The following CACNB4 variants were observed in gnomAD, a reference collection of about 807,000 sequenced individuals.
CACNB4 encodes the protein voltage-dependent L-type calcium channel subunit beta-4.
CACNB4 carries 32 observed loss-of-function variants against 71.2 expected under a neutral mutation model. The observed-to-expected ratio is 0.45, with a 90% confidence interval of 0.34 to 0.60. CACNB4 has a LOEUF of 0.60. Among genes scored for constraint, CACNB4 ranks in the 20% least tolerant of loss-of-function variants. CACNB4 has a pLI of 0.01. For synonymous variants in CACNB4, 231 were observed against 236.9 expected, an observed-to-expected ratio of 0.97 and a Z score of 0.23; for missense variants, 464 against 647.9, an observed-to-expected ratio of 0.72 and a Z score of 3.08.
intron 2 of CACNB4, among the ~76,000 whole-genome samples, chr2:152,061,761 C>T (rs961533972): frequency 3.9e-5 from 6 of 151,950 alleles, no homozygotes; most frequent in African/African-American, 1.5e-4. Flanking sequence ...CCTGTAATCC[C>T]AGCACTCTGG....
intron 2 of CACNB4, among the ~76,000 whole-genome samples, chr2:151,982,612 G>C (rs1056705605): frequency 7.2e-6 from 1 of 138,864 alleles, no homozygotes; most frequent in East Asian, 2.1e-4. Context: ...CAGCCTGGAC[G>C]ACAGAGCGAG....
Position 151,883,748 on chromosome 2 carries a change from C to T in CACNB4, c.148-378G>A, listed in dbSNP as rs763897519. The T allele has an allele frequency of 3.0e-5, 9 of 300,454 alleles. 1 individual carries two copies. The highest frequency in any genetic ancestry group is 5.1e-5 in the Non-Finnish European group (8 of 156,512). 18.6% of individuals were successfully genotyped at this position (300,454 alleles called of 1,614,324 possible). A position where few individuals can be genotyped will look rare whatever the true frequency, so the allele number is the denominator to read the frequency against. The stretch of plus-strand genomic sequence containing the variant: ...AAGGAAAAAGAGACTCAGCTTATTA[C>T]AAAAGATAAATCCTACCTGTATTTG... On this transcript the variant is annotated intron_variant, in intron 2 of 13. Coordinates refer to ENST00000539935, the MANE Select transcript of CACNB4 (RefSeq NM_000726.5).
chr2:152,028,609 TTTTAA>T (rs1296050028), intron 2 of CACNB4, among the ~76,000 whole-genome samples: 5 of 152,230 alleles, frequency 3.3e-5, no homozygotes, highest in Non-Finnish European at 5.9e-5. Flanking sequence ...GGGAGTATTA[TTTTAA>T]TTTGTTTTCC....
chr2:151,944,750 C>A lies in CACNB4; in HGVS notation c.148-61380G>T, dbSNP rs186452654. 2.0e-4 allele frequency among the ~76,000 whole-genome samples: 31 copies of A among 152,288 alleles called. No individual in the cohort carries two copies. The East Asian group carries it at 4.8e-3, about 24-fold the overall frequency. ...GAGGTTGCAGTGAGCCAAGATCCTG[C>A]CACAGCACTCCAGGCTGGGTGACAG... On this transcript the variant is annotated intron_variant, in intron 2 of 13. Transcript: ENST00000539935.
At chr2:151,916,221 T>C (rs1462425165) in intron 2 of CACNB4, among the ~76,000 whole-genome samples, 1 of 152,214 alleles carries the variant, frequency 6.6e-6, no homozygotes, top group Non-Finnish European at 1.5e-5. Context: ...CTGGATCCTT[T>C]CTTAAGGTTT....
intron 2 of CACNB4, among the ~76,000 whole-genome samples, chr2:152,046,927 T>C (rs1038138010): frequency 2.0e-5 from 3 of 152,128 alleles, no homozygotes; most frequent in African/African-American, 7.2e-5. Flanking sequence ...AAAAAAAGAT[T>C]CAGGCAAAGT....
chr2:152,078,298 G>T (rs1409437152), intron 2 of CACNB4, among the ~76,000 whole-genome samples: 1 of 152,122 alleles, frequency 6.6e-6, no homozygotes, highest in African/African-American at 2.4e-5. Flanking sequence ...GAGGAAACTG[G>T]GAGGGCGGTC....
intron 2 of CACNB4, among the ~76,000 whole-genome samples, chr2:152,052,567 T>G (rs1685500342): frequency 6.6e-6 from 1 of 152,206 alleles, no homozygotes; most frequent in Admixed American, 6.5e-5. Context: ...GTGCTGGGAT[T>G]ACATGCATGA....
chr2:151,895,578 A>G (rs2099851849), intron 2 of CACNB4, among the ~76,000 whole-genome samples: 1 of 152,086 alleles, frequency 6.6e-6, no homozygotes, highest in South Asian at 2.1e-4. Context: ...CCTACCATAC[A>G]GCTTGAATTT....
At chr2:151,924,073 C>CTTTTTTTTT (rs59036016) in intron 2 of CACNB4, among the ~76,000 whole-genome samples, 15 of 91,448 alleles carry the variant, frequency 1.6e-4, no homozygotes, top group Non-Finnish European at 2.3e-4. Context: ...ATTCTGAAAT[C>CTTTTTTTTT]TTTTTTTTTT....
intron 2 of CACNB4, among the ~76,000 whole-genome samples, chr2:152,057,095 G>T (rs893772012): frequency 6.6e-6 from 1 of 152,150 alleles, no homozygotes; most frequent in Admixed American, 6.5e-5. Flanking sequence ...TTGTCATCTT[G>T]TTATTAATAG....
At chr2:152,095,653 TTTTG>T (rs958053834) in intron 2 of CACNB4, among the ~76,000 whole-genome samples, 8 of 151,954 alleles carry the variant, frequency 5.3e-5, no homozygotes, top group Non-Finnish European at 8.8e-5. Flanking sequence ...GAGACTCTGT[TTTTG>T]TTTGTTTGTT....
chr2:152,060,150 A>T (rs1348910262), intron 2 of CACNB4, among the ~76,000 whole-genome samples: 1 of 152,192 alleles, frequency 6.6e-6, no homozygotes, highest in African/African-American at 2.4e-5. Flanking sequence ...ATGGACTAAT[A>T]CAATGTTATA....
In CACNB4 at chr2:152,098,583, C is replaced by CCCAACAAA; in HGVS notation, c.64-171_64-170insTTTGTTGG. ...AATACAGCCCCCACCCCCACCCACC[C>CCCAACAAA]ACTGCAAGCCTCGACTGCTGAAAAG... On this transcript the variant is annotated intron_variant, in intron 1 of 13. Coordinates refer to ENST00000539935, the MANE Select transcript of CACNB4 (RefSeq NM_000726.5). This position sits in a 1 kb window ranked among gnomAD's most constrained non-coding sequence, Gnocchi z 5.3. The CCCAACAAA allele has an allele frequency of 2.9e-6, 3 of 1,018,186 alleles. No individual in the cohort carries two copies. The highest frequency in any genetic ancestry group is 4.6e-6 in the Non-Finnish European group (3 of 659,028). 63.1% of individuals were successfully genotyped at this position (1,018,186 alleles called of 1,614,324 possible). A position where few individuals can be genotyped will look rare whatever the true frequency, so the allele number is the denominator to read the frequency against.
intron 2 of CACNB4, among the ~76,000 whole-genome samples, chr2:152,086,642 G>A (rs1687675319): frequency 6.6e-6 from 1 of 152,208 alleles, no homozygotes; most frequent in Non-Finnish European, 1.5e-5. Flanking sequence ...GAAGCATTTT[G>A]AATTGTAAGT....
intron 2 of CACNB4, among the ~76,000 whole-genome samples, chr2:152,045,063 C>T (rs532676816): frequency 6.6e-6 from 1 of 151,820 alleles, no homozygotes; most frequent in African/African-American, 2.4e-5. Flanking sequence ...CAATTTCAAG[C>T]CAGAAAAAAA....
intron 2 of CACNB4, among the ~76,000 whole-genome samples, chr2:151,955,345 C>T (rs2099867980): frequency 6.6e-6 from 1 of 152,146 alleles, no homozygotes; most frequent in Admixed American, 6.5e-5. Flanking sequence ...TATTATTGTG[C>T]TATGTCTTTT....
chr2:151,964,088 A>AG (rs754360021), intron 2 of CACNB4, among the ~76,000 whole-genome samples: 95 of 149,382 alleles, frequency 6.4e-4, no homozygotes, highest in Non-Finnish European at 1.2e-3. Context: ...AAAAAAAAAA[A>AG]AAGAATGTTA....
chr2:151,876,741 TTTTATATGTATATGTGTGTATA>T (rs2099846394), intron 4 of CACNB4, among the ~76,000 whole-genome samples, 185 bp from the exon 5 acceptor site: 1 of 142,460 alleles, frequency 7.0e-6, no homozygotes, highest in African/African-American at 2.7e-5. Context: ...ATAGACTATA[TTTTATATGTATATGTGTGTATA>T]CTATATTTTA....
Sources: allele counts gnomAD v4.1 joint callset (sites outside exome capture counted in the v4.1 genomes callset), GRCh38; gene constraint gnomAD v4.1.1; non-coding constraint Gnocchi (gnomAD v3.1); transcripts MANE v1.5; gene names NCBI Gene and HGNC (gene_info 2026-07-23, HGNC 2026-07-21).